MRTFA: variants seen among roughly 807,000 people sequenced by gnomAD.
The protein encoded by MRTFA is myocardin-related transcription factor A.
A neutral mutation model predicts 83.5 loss-of-function variants in MRTFA; 20 were observed. The observed-to-expected ratio is 0.24, with a 90% CI of 0.17 to 0.35. The LOEUF (loss-of-function observed/expected upper bound fraction) is 0.35, where lower values mean the gene tolerates loss of function less well. Among genes scored for constraint, MRTFA ranks in the 10% least tolerant of loss-of-function variants. MRTFA has a pLI of 1.00. For synonymous variants in MRTFA, 659 were observed against 541.2 expected, an observed-to-expected ratio of 1.22 and a Z score of -3.02; for missense variants, 1,200 against 1,224.7, an observed-to-expected ratio of 0.98 and a Z score of 0.30.
intron 2 of MRTFA, chr22:40,587,928 A>T: frequency 2.5e-6 from 1 of 394,734 alleles, no homozygotes; most frequent in Non-Finnish European, 4.9e-6. Context: ...AATACAGGAG[A>T]CAAAGTGACA....
chr22:40,601,823 A>C (rs938602886), intron 1 of MRTFA, among the ~76,000 whole-genome samples: 7 of 152,176 alleles, frequency 4.6e-5, no homozygotes, highest in African/African-American at 1.4e-4. Context: ...TAAATAATAT[A>C]AAGCTTGAAG....
chr22:40,565,326 C>T (rs1182218025), intron 2 of MRTFA, among the ~76,000 whole-genome samples: 2 of 152,136 alleles, frequency 1.3e-5, no homozygotes, highest in Non-Finnish European at 2.9e-5. Context: ...GCGGGAGGAC[C>T]ACTTGAGATC....
At chr22:40,449,058 C>T (rs1335920523) in intron 4 of MRTFA, among the ~76,000 whole-genome samples, 2 of 151,980 alleles carry the variant, frequency 1.3e-5, no homozygotes, top group Non-Finnish European at 2.9e-5. Context: ...GAGGTCAGGA[C>T]ATTGAGACCA....
At position 40,538,966 on chromosome 22, in the gene MRTFA, A is replaced by G. The variant is rs115908814; in HGVS notation, c.241+13140T>C. 2.1e-3 allele frequency among the ~76,000 whole-genome samples: 318 copies of G among 148,200 alleles called. 1 individual carries two copies. Among genetic ancestry groups the G allele is most frequent in the African/African-American group, 7.9e-3 (316 of 40,220 alleles). On this transcript the variant is annotated intron_variant, in intron 3 of 14. Transcript: ENST00000355630. ...TATTAATTCACTCTAAAGGGACATTATACTGCAGGATACACAGCCTTTTGT... is the reference window on the plus strand; with the variant it reads ...TATTAATTCACTCTAAAGGGACATTGTACTGCAGGATACACAGCCTTTTGT...
At chr22:40,509,946 C>T (rs1344321158) in intron 3 of MRTFA, among the ~76,000 whole-genome samples, 1 of 127,046 alleles carries the variant, frequency 7.9e-6, no homozygotes, top group African/African-American at 3.0e-5. Flanking sequence ...GTATTCTTCC[C>T]ACTGCAGTAA....
chr22:40,462,497 G>C (rs1196094595), intron 4 of MRTFA, among the ~76,000 whole-genome samples: 1 of 152,116 alleles, frequency 6.6e-6, no homozygotes, highest in Non-Finnish European at 1.5e-5. Flanking sequence ...CATACAAACA[G>C]AAAAGAGAGC....
At chr22:40,571,794 G>A (rs1035667757) in intron 2 of MRTFA, among the ~76,000 whole-genome samples, 1 of 150,800 alleles carries the variant, frequency 6.6e-6, no homozygotes, top group East Asian at 1.9e-4. Flanking sequence ...CATGGTGGCA[G>A]GTGCCTGTAG....
At chr22:40,425,656 G>A (rs2147083263) in intron 7 of MRTFA, among the ~76,000 whole-genome samples, 1 of 152,312 alleles carries the variant, frequency 6.6e-6, no homozygotes, top group Middle Eastern at 3.4e-3. Flanking sequence ...ACAGAACAGG[G>A]CTTGCTGACC....
chr22:40,476,433 A>G (rs1030321495), intron 3 of MRTFA, among the ~76,000 whole-genome samples: 3 of 152,044 alleles, frequency 2.0e-5, no homozygotes, highest in Non-Finnish European at 4.4e-5. Context: ...CTTCTTACAT[A>G]TAATGTTATT....
At chr22:40,535,871 T>C (rs938678776) in intron 3 of MRTFA, among the ~76,000 whole-genome samples, 2 of 152,174 alleles carry the variant, frequency 1.3e-5, no homozygotes, top group Admixed American at 1.3e-4. Flanking sequence ...CCACAGGAGA[T>C]ATTGAGAGTC....
intron 4 of MRTFA, among the ~76,000 whole-genome samples, chr22:40,448,504 C>T (rs1569270733): frequency 6.6e-6 from 1 of 152,174 alleles, no homozygotes; most frequent in Non-Finnish European, 1.5e-5. Flanking sequence ...AAACAAAATG[C>T]ATGATGGGTT....
intron 1 of MRTFA, among the ~76,000 whole-genome samples, chr22:40,601,721 G>A (rs915334100): frequency 6.6e-6 from 1 of 152,118 alleles, no homozygotes; most frequent in Admixed American, 6.5e-5. Flanking sequence ...GCTGGGTATG[G>A]TTACACTGAG....
chr22:40,610,288 T>C (rs1370343823), intron 1 of MRTFA, among the ~76,000 whole-genome samples: 1 of 152,132 alleles, frequency 6.6e-6, no homozygotes, highest in Non-Finnish European at 1.5e-5. Flanking sequence ...CCTGAGATGA[T>C]CCACCAGCCT....
At chr22:40,620,437 T>C (rs1602504140) in intron 1 of MRTFA, among the ~76,000 whole-genome samples, 1 of 147,822 alleles carries the variant, frequency 6.8e-6, no homozygotes, top group African/African-American at 2.5e-5. Context: ...TTTTTTTTTT[T>C]TTTTTTTTGT....
chr22:40,468,796 C>G (rs1255634180), intron 3 of MRTFA, among the ~76,000 whole-genome samples: 1 of 152,146 alleles, frequency 6.6e-6, no homozygotes, highest in Non-Finnish European at 1.5e-5. Flanking sequence ...TTTTCTCTTC[C>G]CCCACTCAGA....
chr22:40,589,828 A>G (rs1238112690), intron 2 of MRTFA, among the ~76,000 whole-genome samples: 1 of 152,052 alleles, frequency 6.6e-6, no homozygotes. Context: ...GAAGTTCAAG[A>G]CCAGCCTGAC....
At chr22:40,483,206 G>T (rs77765808) in intron 3 of MRTFA, among the ~76,000 whole-genome samples, 1 of 152,006 alleles carries the variant, frequency 6.6e-6, no homozygotes, top group South Asian at 2.1e-4. Context: ...GACTGCAGGC[G>T]CTCTCCACCA....
intron 3 of MRTFA, among the ~76,000 whole-genome samples, chr22:40,535,581 A>C (rs1280836944): frequency 6.6e-6 from 1 of 151,874 alleles, no homozygotes; most frequent in Non-Finnish European, 1.5e-5. Context: ...TCGAACTCCT[A>C]AGCTCAAGTG....
At chr22:40,529,235 G>A (rs2055032828) in intron 3 of MRTFA, among the ~76,000 whole-genome samples, 1 of 152,164 alleles carries the variant, frequency 6.6e-6, no homozygotes. Context: ...GTAATGATTA[G>A]GGAAATAGAA....
Sources: allele counts gnomAD v4.1 joint callset (sites outside exome capture counted in the v4.1 genomes callset), GRCh38; gene constraint gnomAD v4.1.1; transcripts MANE v1.5; gene names NCBI Gene and HGNC (gene_info 2026-07-23, HGNC 2026-07-21).